The following DNAAF9 variants were observed in gnomAD, a reference collection of about 807,000 sequenced individuals.
DNAAF9 encodes shulin.
In DNAAF9, 90 loss-of-function variants were observed where a neutral mutation model predicts 167.0. That is an observed-to-expected ratio of 0.54 (90% CI 0.45 to 0.64). The LOEUF (loss-of-function observed/expected upper bound fraction) is 0.64. Among genes scored for constraint, DNAAF9 ranks in the 30% least tolerant of loss-of-function variants. The probability of loss-of-function intolerance (pLI) is 0.00; values close to 1 mark genes in which losing one functional copy is unlikely to be tolerated. For missense variants in DNAAF9, 1,315 were observed against 1,442.2 expected, an observed-to-expected ratio of 0.91 and a Z score of 1.43; for synonymous variants, 491 against 508.8, an observed-to-expected ratio of 0.96 and a Z score of 0.47.
At position 3,315,872 on chromosome 20, in the gene DNAAF9, G is replaced by A. The variant is rs1259750068; in HGVS notation, c.1540-87C>T. The stretch of plus-strand genomic sequence containing the variant: ...TCCCCACTGTGTTCAAATATTTCCA[G>A]GACACTGGCTGGACAGTCCTTCCAC... On this transcript the variant is annotated intron_variant, in intron 18 of 36. Coordinates refer to ENST00000252032, the MANE Select transcript of DNAAF9 (RefSeq NM_001009984.3). This position sits in a 1 kb window ranked among gnomAD's most constrained non-coding sequence, Gnocchi z 4.1. 8.0e-6 allele frequency: 8 copies of A among 1,005,232 alleles called. No homozygotes were observed. Among genetic ancestry groups the A allele is most frequent in the Admixed American group, 6.8e-5 (4 of 59,142 alleles). The allele number at this position is 1,005,232 out of a possible 1,614,324, so 62.3% of individuals were successfully genotyped here.
Position 3,252,346 on chromosome 20 carries a change from G to A in DNAAF9, c.*226C>T, listed in dbSNP as rs1279654748. On this transcript the variant is annotated 3_prime_UTR_variant, in exon 37 of 37. Transcript: ENST00000252032. ...ACACGTAGACGGGCAGGCCCCATCT[G>A]CTCATCCTTGAGTATTCCCCCGACC... 2.3e-6 allele frequency: 1 copy of A among 442,518 alleles called. No individual in the cohort carries two copies. Among genetic ancestry groups the A allele is most frequent in the Non-Finnish European group, 4.1e-6 (1 of 242,820 alleles). The allele number at this position is 442,518 out of a possible 1,614,324, so 27.4% of individuals were successfully genotyped here.
intron 12 of DNAAF9, among the ~76,000 whole-genome samples, chr20:3,328,348 G>GT (rs1291468944): frequency 6.6e-6 from 1 of 152,024 alleles, no homozygotes; most frequent in Non-Finnish European, 1.5e-5. Flanking sequence ...TGCCTGGCTA[G>GT]TTTTTGTATT....
chr20:3,392,691 ATG>A (rs757199067), intron 1 of DNAAF9, among the ~76,000 whole-genome samples: 6 of 152,182 alleles, frequency 3.9e-5, no homozygotes, highest in African/African-American at 7.2e-5. Context: ...ACAGCCAGGT[ATG>A]TTTTCTTGTT....
At chr20:3,256,424 A>G (rs1455908208) in intron 33 of DNAAF9, among the ~76,000 whole-genome samples, 2 of 152,174 alleles carry the variant, frequency 1.3e-5, no homozygotes, top group South Asian at 2.1e-4. Flanking sequence ...AGGCAGGAGG[A>G]GCACTTGAGC....
At chr20:3,339,534 T>C (rs2070036395) in intron 10 of DNAAF9, among the ~76,000 whole-genome samples, 1 of 152,200 alleles carries the variant, frequency 6.6e-6, no homozygotes, top group Non-Finnish European at 1.5e-5. Context: ...TTTTCTTCTT[T>C]GGGTTCCCTG....
At chr20:3,333,599 C>T (rs2069880681) in intron 10 of DNAAF9, among the ~76,000 whole-genome samples, 1 of 152,110 alleles carries the variant, frequency 6.6e-6, no homozygotes, top group Non-Finnish European at 1.5e-5. Context: ...TGAATGAAAA[C>T]TCATGGAGGT....
intron 6 of DNAAF9, among the ~76,000 whole-genome samples, chr20:3,364,899 C>T (rs2083409761): frequency 6.6e-6 from 1 of 150,628 alleles, no homozygotes; most frequent in Non-Finnish European, 1.5e-5. Context: ...CCTTCCTTTC[C>T]TTTCCTTCTT....
chr20:3,385,772 A>C (rs2083726500), intron 1 of DNAAF9, among the ~76,000 whole-genome samples: 1 of 152,230 alleles, frequency 6.6e-6, no homozygotes, highest in Non-Finnish European at 1.5e-5. Flanking sequence ...AAAATTAAAT[A>C]CCTAGTTATA....
chr20:3,400,154 C>G (rs1329853071), intron 1 of DNAAF9, among the ~76,000 whole-genome samples: 2 of 152,208 alleles, frequency 1.3e-5, no homozygotes, highest in Non-Finnish European at 2.9e-5. Context: ...AGAATCTGTT[C>G]TTTGTAAAGT....
chr20:3,380,463 G>T (rs1446271172), intron 3 of DNAAF9, among the ~76,000 whole-genome samples: 1 of 152,146 alleles, frequency 6.6e-6, no homozygotes, highest in East Asian at 1.9e-4. Flanking sequence ...TGAATTCCTT[G>T]TTCTAGGTGA....
At chr20:3,264,656 G>A (rs868182612) in intron 30 of DNAAF9, 132 bp from the exon 31 acceptor site, 40 of 644,676 alleles carry the variant, frequency 6.2e-5, no homozygotes, top group South Asian at 5.9e-4. Context: ...TGCAACCTCC[G>A]CTTCCCGGGT....
intron 8 of DNAAF9, among the ~76,000 whole-genome samples, chr20:3,346,076 T>G (rs954143157): frequency 2.0e-5 from 3 of 152,182 alleles, no homozygotes; most frequent in African/African-American, 7.2e-5. Flanking sequence ...ATGTTCAAAC[T>G]TACTAATACA....
chr20:3,262,156 C>G (rs571336265), intron 31 of DNAAF9, among the ~76,000 whole-genome samples: 2 of 152,006 alleles, frequency 1.3e-5, no homozygotes, highest in African/African-American at 4.8e-5. Context: ...TAGAAATGGA[C>G]TTAGGAGGGG....
intron 6 of DNAAF9, 102 bp from the exon 7 acceptor site, chr20:3,359,695 G>T: frequency 1.3e-6 from 1 of 749,016 alleles, no homozygotes; most frequent in Non-Finnish European, 2.2e-6. Context: ...GTATAAACTA[G>T]TGTGAACAGA....
intron 28 of DNAAF9, 102 bp downstream of exon 28, chr20:3,281,539 A>G (rs1435905897): frequency 3.7e-6 from 4 of 1,090,672 alleles, no homozygotes; most frequent in African/African-American, 1.6e-5. Context: ...AACAGCATTT[A>G]CTACATACAA....
intron 1 of DNAAF9, among the ~76,000 whole-genome samples, chr20:3,398,632 A>G (rs892609620): frequency 6.6e-6 from 1 of 152,182 alleles, no homozygotes; most frequent in African/African-American, 2.4e-5. Context: ...AATTCTTGAA[A>G]CTTTTCTGTA....
chr20:3,407,403 G>A, intron 1 of DNAAF9, 72 bp downstream of exon 1: 1 of 1,165,942 alleles, frequency 8.6e-7, no homozygotes, highest in Non-Finnish European at 1.1e-6. Context: ...CCCTGCGGCG[G>A]GAGGCGTCGC....
At chr20:3,308,807 T>C (rs2069350773) in intron 20 of DNAAF9, among the ~76,000 whole-genome samples, 1 of 149,908 alleles carries the variant, frequency 6.7e-6, no homozygotes, top group Non-Finnish European at 1.5e-5. Context: ...TGAAACTCCA[T>C]CTCTACTAAA....
intron 6 of DNAAF9, among the ~76,000 whole-genome samples, chr20:3,368,268 A>G (rs1176053451): frequency 1.3e-5 from 2 of 152,076 alleles, no homozygotes; most frequent in Non-Finnish European, 2.9e-5. Context: ...TCTCTTCTCT[A>G]TGCTGTGTCT....
Sources: allele counts gnomAD v4.1 joint callset (sites outside exome capture counted in the v4.1 genomes callset), GRCh38; gene constraint gnomAD v4.1.1; non-coding constraint Gnocchi (gnomAD v3.1); transcripts MANE v1.5; gene names NCBI Gene and HGNC (gene_info 2026-07-23, HGNC 2026-07-21).